Variants in TMOD2 observed in about 807,000 individuals in gnomAD.
The protein encoded by TMOD2 is tropomodulin-2.
Under a neutral mutation model 39.9 loss-of-function variants are expected in TMOD2, and 22 were observed. The observed-to-expected ratio is 0.55, with a 90% CI of 0.39 to 0.79. The LOEUF is 0.79. Ranked by LOEUF, TMOD2 falls within the 30% of genes least tolerant of loss-of-function variation. The probability of loss-of-function intolerance (pLI) is 0.00; values close to 1 mark genes in which losing one functional copy is unlikely to be tolerated. For synonymous variants in TMOD2, 123 were observed against 146.1 expected (o/e 0.84, Z 1.14); for missense variants, 386 against 413.3 (o/e 0.93, Z 0.57).
In TMOD2 at chr15:51,753,895, C is replaced by CT. The variant is rs2055724668; in HGVS notation, c.-70+2186dup. On this transcript the variant is annotated intron_variant, in intron 1 of 9. Coordinates refer to ENST00000249700, the MANE Select transcript of TMOD2 (RefSeq NM_014548.4). ...CTTTTAACTTTTCTATAGATTTGAA[C>CT]TTTAAGAAATGGGGAAGTCAATAAA... is the stretch of plus-strand genomic sequence containing the variant. 2.0e-5 allele frequency among the ~76,000 whole-genome samples: 3 copies of CT among 152,148 alleles called. No homozygotes were observed. The South Asian group carries it at 6.2e-4, about 32-fold the overall frequency.
chr15:51,815,727 A>G lies in TMOD2; in HGVS notation c.*7273A>G, dbSNP rs1257321338. 6.6e-6 allele frequency: 1 copy of G among 152,190 alleles called. No individual in the cohort carries two copies. Among genetic ancestry groups the G allele is most frequent in the African/African-American group, 2.4e-5 (1 of 41,456 alleles). The allele number at this position is 152,190 out of a possible 1,614,324, so 9.4% of individuals were successfully genotyped here. ...ATAGTTATATTTTAATTAAGCATTTATTTTAGTTGTTTTCATCCATTCAAG... is the reference window on the plus strand; with the variant it reads ...ATAGTTATATTTTAATTAAGCATTTGTTTTAGTTGTTTTCATCCATTCAAG... On this transcript the variant is annotated 3_prime_UTR_variant, in exon 10 of 10. Coordinates refer to ENST00000249700, the MANE Select transcript of TMOD2 (RefSeq NM_014548.4).
At position 51,795,896 on chromosome 15, in the gene TMOD2, C is replaced by A. The variant is rs536437314; in HGVS notation, c.733-2301C>A. 4.1e-3 allele frequency among the ~76,000 whole-genome samples: 451 copies of A among 108,772 alleles called. 5 individuals carry two copies. The highest frequency in any genetic ancestry group is 0.016 in the African/African-American group (439 of 28,208). The allele number at this position is 108,772 out of a possible 152,430, so 71.4% of individuals were successfully genotyped here. On this transcript the variant is annotated intron_variant, in intron 7 of 9. Coordinates refer to ENST00000249700, the MANE Select transcript of TMOD2 (RefSeq NM_014548.4). ...TTCTTTTCTCTGTCTCTCTCCGCCG[C>A]CCCCCACCCCCCACCCGACTTTTTC...
At chr15:51,778,040 A>G (rs1388327128) in intron 5 of TMOD2, among the ~76,000 whole-genome samples, 4 of 151,586 alleles carry the variant, frequency 2.6e-5, no homozygotes, top group Non-Finnish European at 5.9e-5. Context: ...ATGCACACGT[A>G]TGTTTATTGC....
At chr15:51,767,140 C>G (rs1047160417) in intron 2 of TMOD2, 1 of 152,174 alleles carries the variant, frequency 6.6e-6, no homozygotes, top group Middle Eastern at 3.2e-3. Context: ...ATTCTCCTAC[C>G]TCAGCCTCCC....
At position 51,772,449 on chromosome 15, in the gene TMOD2, G is replaced by A. The variant is rs2055859873; in HGVS notation, c.284-1263G>A. Among the ~76,000 whole-genome samples, 3 of 152,278 alleles carry A rather than the reference G, an allele frequency of 2.0e-5. No individual in the cohort carries two copies. In the South Asian group the frequency reaches 6.2e-4, roughly 32 times the overall value. On this transcript the variant is annotated intron_variant, in intron 3 of 9. Coordinates refer to ENST00000249700, the MANE Select transcript of TMOD2 (RefSeq NM_014548.4). Reference sequence around the variant, plus strand: ...GATGTGTTGGCCTGGCTCGAAGTTAGGAGCAGGAACTGTGCCATCCTCCTG... The same window carrying A: ...GATGTGTTGGCCTGGCTCGAAGTTAAGAGCAGGAACTGTGCCATCCTCCTG...
intron 1 of TMOD2, among the ~76,000 whole-genome samples, chr15:51,764,007 G>T (rs942067433): frequency 6.6e-6 from 1 of 151,630 alleles, no homozygotes; most frequent in African/African-American, 2.4e-5. Context: ...AGAACAAAGT[G>T]TATAGGATCC....
At chr15:51,801,237 T>TCTCACACACACACA (rs1491214017) in intron 8 of TMOD2, among the ~76,000 whole-genome samples, 194 of 102,116 alleles carry the variant, frequency 1.9e-3, no homozygotes, top group Admixed American at 2.8e-3. Context: ...TCTCTCTCTC[T>TCTCACACACACACA]CACACACACA....
chr15:51,754,442 T>C (rs1891897624), intron 1 of TMOD2, among the ~76,000 whole-genome samples: 1 of 152,232 alleles, frequency 6.6e-6, no homozygotes, highest in Non-Finnish European at 1.5e-5. Context: ...ATAGAAGGCA[T>C]GTGCAGAAGA....
intron 7 of TMOD2, among the ~76,000 whole-genome samples, chr15:51,795,044 A>G (rs1315375017): frequency 1.3e-5 from 2 of 152,128 alleles, no homozygotes; most frequent in African/African-American, 4.8e-5. Flanking sequence ...GATCCTTTGC[A>G]GGTAACTTGT....
chr15:51,811,163 G>A lies in TMOD2; in HGVS notation c.*2709G>A, dbSNP rs538799229. 1.3e-5 allele frequency: 2 copies of A among 152,250 alleles called. No homozygotes were observed. The highest frequency in any genetic ancestry group is 4.8e-5 in the African/African-American group (2 of 41,544). 9.4% of individuals were successfully genotyped at this position (152,250 alleles called of 1,614,324 possible). On this transcript the variant is annotated 3_prime_UTR_variant, in exon 10 of 10. Coordinates refer to ENST00000249700, the MANE Select transcript of TMOD2 (RefSeq NM_014548.4). ...CCTTAGAAAAACATACACTTGAGGA[G>A]CCTATCCATCATTTAATTAGCCTAG...
rs1417429257 is a variant in TMOD2 at position 51,781,032 on chromosome 15, C to T, written c.494-12C>T. 2 of 1,572,128 alleles carry T rather than the reference C, an allele frequency of 1.3e-6. No individual in the cohort carries two copies. Among genetic ancestry groups the T allele is most frequent in the South Asian group, 2.4e-5 (2 of 84,572 alleles). On this transcript the variant is annotated splice_polypyrimidine_tract_variant and intron_variant, in intron 5 of 9. Transcript: ENST00000249700. ...GACTTTGCATTTTTTAAAATGAAAACTTGTGTTTTAGATGTTGTCAAAGGT... is the reference window on the plus strand; with the variant it reads ...GACTTTGCATTTTTTAAAATGAAAATTTGTGTTTTAGATGTTGTCAAAGGT...
chr15:51,762,783 A>G (rs1234148626), intron 1 of TMOD2, among the ~76,000 whole-genome samples: 1 of 152,196 alleles, frequency 6.6e-6, no homozygotes, highest in Admixed American at 6.5e-5. Flanking sequence ...AAAATTTTAG[A>G]TAAATGGAAT....
At position 51,751,649 on chromosome 15, in the gene TMOD2, C is replaced by G. The variant is rs1185932715; in HGVS notation, c.-133C>G. On this transcript the variant is annotated 5_prime_UTR_variant, in exon 1 of 10. Transcript: ENST00000249700. ...GGCGCCGCCCCTGTTCTCCCGGCCC[C>G]GCTCCACCGGGGCTGACGGACTGAC... The G allele has an allele frequency of 5.7e-6, 1 of 174,644 alleles. No individual in the cohort carries two copies. Among genetic ancestry groups the G allele is most frequent in the African/African-American group, 2.4e-5 (1 of 42,080 alleles). The allele number at this position is 174,644 out of a possible 1,614,324, so 10.8% of individuals were successfully genotyped here.
At chr15:51,756,699 G>A (rs1409743799) in intron 1 of TMOD2, among the ~76,000 whole-genome samples, 1 of 152,136 alleles carries the variant, frequency 6.6e-6, no homozygotes. Flanking sequence ...TGGGAAATAC[G>A]AGCTCTGCAT....
At chr15:51,753,421 C>T (rs1327810956) in intron 1 of TMOD2, among the ~76,000 whole-genome samples, 3 of 152,082 alleles carry the variant, frequency 2.0e-5, no homozygotes. Flanking sequence ...CATAATTTCA[C>T]CTCTGTAGTG....
rs34790068 is a variant in TMOD2 at position 51,778,643 on chromosome 15, CTTTTTTTTTT to C, written c.493+1642_493+1651del. Among the ~76,000 whole-genome samples, 80 of 68,374 alleles carry C rather than the reference CTTTTTTTTTT, an allele frequency of 1.2e-3. No homozygotes were observed. In the Admixed American group the frequency reaches 0.013, roughly 11 times the overall value. The allele number at this position is 68,374 out of a possible 152,430, so 44.9% of individuals were successfully genotyped here. ...TTTGAAAACTCATAGAAAATTACAGCTTTTTTTTTTTTTTTTTTTTTTTTTTCTTGAGACA... is the reference window on the plus strand; with the variant it reads ...TTTGAAAACTCATAGAAAATTACAGCTTTTTTTTTTTTTTTTCTTGAGACA... On this transcript the variant is annotated intron_variant, in intron 5 of 9. Coordinates refer to ENST00000249700, the MANE Select transcript of TMOD2 (RefSeq NM_014548.4).
chr15:51,803,771 A>T (rs2141643770), intron 8 of TMOD2, among the ~76,000 whole-genome samples: 1 of 152,342 alleles, frequency 6.6e-6, no homozygotes, highest in Admixed American at 6.5e-5. Context: ...CTCAAAATAC[A>T]GGAACTGTAA....
At chr15:51,778,875 A>C (rs1317913765) in intron 5 of TMOD2, among the ~76,000 whole-genome samples, 1 of 152,054 alleles carries the variant, frequency 6.6e-6, no homozygotes, top group African/African-American at 2.4e-5. Flanking sequence ...ACTTTAATAG[A>C]GACTTGGGAG....
At chr15:51,771,957 T>C (rs551403421) in intron 3 of TMOD2, among the ~76,000 whole-genome samples, 17 of 152,350 alleles carry the variant, frequency 1.1e-4, no homozygotes, top group African/African-American at 4.1e-4. Flanking sequence ...GTTGCCAGGA[T>C]GCCCCAGACT....
Sources: allele counts gnomAD v4.1 joint callset (sites outside exome capture counted in the v4.1 genomes callset), GRCh38; gene constraint gnomAD v4.1.1; transcripts MANE v1.5; gene names NCBI Gene and HGNC (gene_info 2026-07-23, HGNC 2026-07-21).